PEAK1: variants seen among roughly 807,000 people sequenced by gnomAD.
PEAK1 encodes pseudopodium enriched atypical kinase 1, also known as inactive tyrosine-protein kinase PEAK1.
A neutral mutation model predicts 124.7 loss-of-function variants in PEAK1; 54 were observed. The observed-to-expected ratio is 0.43, with a 90% CI of 0.35 to 0.54. The LOEUF (loss-of-function observed/expected upper bound fraction) is 0.54, where lower values mean the gene tolerates loss of function less well. Among genes scored for constraint, PEAK1 ranks in the 20% least tolerant of loss-of-function variants. PEAK1 has a pLI of 0.01. For missense variants in PEAK1, 2,046 were observed against 2,134.5 expected, an observed-to-expected ratio of 0.96 and a Z score of 0.82; for synonymous variants, 719 against 760.0, an observed-to-expected ratio of 0.95 and a Z score of 0.89.
chr15:77,272,724 G>A (rs1381709889), intron 5 of PEAK1, among the ~76,000 whole-genome samples: 2 of 151,648 alleles, frequency 1.3e-5, no homozygotes, highest in Non-Finnish European at 2.9e-5. Flanking sequence ...TACTCCAGAA[G>A]ATACAGAAAG....
At chr15:77,417,459 C>CAG in intron 1 of PEAK1, 5 of 377,660 alleles carry the variant, frequency 1.3e-5, no homozygotes, top group Non-Finnish European at 1.5e-5. Context: ...GGATGCGGGG[C>CAG]GGGGGGGGAG....
chr15:77,359,146 ACGAGACAAG>A (rs2067719405), intron 2 of PEAK1, among the ~76,000 whole-genome samples: 1 of 152,260 alleles, frequency 6.6e-6, no homozygotes, highest in Non-Finnish European at 1.5e-5. Flanking sequence ...AAGATCAGAA[ACGAGACAAG>A]GGCTGAGCAC....
intron 6 of PEAK1, among the ~76,000 whole-genome samples, chr15:77,225,814 G>A (rs1217223765): frequency 1.4e-5 from 2 of 145,634 alleles, no homozygotes; most frequent in Non-Finnish European, 3.0e-5. Context: ...AATATATGAC[G>A]AAACACACAG....
intron 2 of PEAK1, chr15:77,337,407 AACT>A (rs1417537871): frequency 2.1e-6 from 2 of 949,620 alleles, no homozygotes; most frequent in Non-Finnish European, 2.5e-6. Context: ...AATGTAAAGT[AACT>A]ACATGATCAA....
intron 1 of PEAK1, among the ~76,000 whole-genome samples, chr15:77,408,154 TACACACACACACACACAC>T (rs55866391): frequency 6.9e-6 from 1 of 144,352 alleles, no homozygotes; most frequent in Non-Finnish European, 1.5e-5. Context: ...CATATATACA[TACACACACACACACACAC>T]ACACACACAC....
intron 1 of PEAK1, among the ~76,000 whole-genome samples, chr15:77,365,741 TAA>T (rs71145816): frequency 2.6e-4 from 21 of 80,814 alleles, no homozygotes; most frequent in African/African-American, 8.1e-4. Context: ...CTCCATCTCA[TAA>T]AAAAAAAAAA....
intron 6 of PEAK1, among the ~76,000 whole-genome samples, chr15:77,248,560 C>G (rs1008284888): frequency 1.3e-5 from 2 of 152,180 alleles, no homozygotes; most frequent in African/African-American, 4.8e-5. Context: ...AGAGAGCTCA[C>G]TTGCCCCTTC....
intron 5 of PEAK1, among the ~76,000 whole-genome samples, chr15:77,275,605 A>T (rs2062272871): frequency 6.6e-6 from 1 of 151,992 alleles, no homozygotes; most frequent in African/African-American, 2.4e-5. Flanking sequence ...AATCCCAGCT[A>T]CTCAGGAGGC....
At chr15:77,327,763 A>G (rs561850534) in intron 2 of PEAK1, among the ~76,000 whole-genome samples, 5 of 152,226 alleles carry the variant, frequency 3.3e-5, no homozygotes, top group South Asian at 2.1e-4. Context: ...AATTAGAATC[A>G]TTACAAATAC....
intron 5 of PEAK1, among the ~76,000 whole-genome samples, chr15:77,257,772 T>C (rs1008172060): frequency 2.0e-5 from 3 of 152,196 alleles, no homozygotes; most frequent in Non-Finnish European, 4.4e-5. Flanking sequence ...TTGCCATTGC[T>C]TTTGGTGTTT....
chr15:77,300,460 TA>T (rs2063727994), intron 2 of PEAK1, among the ~76,000 whole-genome samples: 1 of 152,242 alleles, frequency 6.6e-6, no homozygotes, highest in Non-Finnish European at 1.5e-5. Context: ...TTTCTTTTTT[TA>T]AAAATACAAC....
At chr15:77,306,941 C>T (rs979920483) in intron 2 of PEAK1, among the ~76,000 whole-genome samples, 1 of 152,034 alleles carries the variant, frequency 6.6e-6, no homozygotes, top group Non-Finnish European at 1.5e-5. Context: ...AATTAAGTGA[C>T]TCCCCTTTAG....
intron 6 of PEAK1, chr15:77,204,939 C>CA: frequency 5.5e-6 from 1 of 180,982 alleles, no homozygotes; most frequent in South Asian, 1.1e-4. Flanking sequence ...AATCTTCAGA[C>CA]AAAAAAGTTC....
At position 77,313,662 on chromosome 15, in the gene PEAK1, G is replaced by A. The variant is rs1355733685; in HGVS notation, c.-602-27158C>T. ...TGTATGTATGTATGTATGTGTGTGT[G>A]TGTGTGTGTGTGTGTGTGTGTGTGT... On this transcript the variant is annotated intron_variant, in intron 2 of 9. Coordinates refer to ENST00000682557, the MANE Select transcript of PEAK1 (RefSeq NM_001385026.1). 9.1e-5 allele frequency among the ~76,000 whole-genome samples: 10 copies of A among 109,480 alleles called. No individual in the cohort carries two copies. In the South Asian group the frequency reaches 2.3e-3, roughly 26 times the overall value. 71.8% of individuals were successfully genotyped at this position (109,480 alleles called of 152,430 possible).
intron 7 of PEAK1, among the ~76,000 whole-genome samples, chr15:77,161,795 G>A (rs1290474819): frequency 6.6e-6 from 1 of 151,788 alleles, no homozygotes; most frequent in Non-Finnish European, 1.5e-5. Flanking sequence ...GTGAAACCCC[G>A]TCTCTACTAA....
At chr15:77,313,682 G>GTATATATATCTA (rs1567244747) in intron 2 of PEAK1, among the ~76,000 whole-genome samples, 1 of 118,612 alleles carries the variant, frequency 8.4e-6, no homozygotes, top group African/African-American at 4.0e-5. Flanking sequence ...GTGTGTGTGT[G>GTATATATATCTA]TGTGTGTGTG....
chr15:77,343,750 TGCTGGGATTACAGGTGTGAGAAACCGC>T, intron 2 of PEAK1, among the ~76,000 whole-genome samples: 1 of 152,276 alleles, frequency 6.6e-6, no homozygotes, highest in South Asian at 2.1e-4. Flanking sequence ...CCTCCCAAAG[TGCTGGGATTACAGGTGTGAGAAACCGC>T]GCCGGCCTTA....
chr15:77,372,530 G>A (rs1184583731), intron 1 of PEAK1, among the ~76,000 whole-genome samples: 1 of 152,062 alleles, frequency 6.6e-6, no homozygotes, highest in Non-Finnish European at 1.5e-5. Flanking sequence ...CAGAAGCGAG[G>A]GTTTAATCAC....
At chr15:77,197,359 A>C (rs1036141692) in intron 6 of PEAK1, among the ~76,000 whole-genome samples, 1 of 152,206 alleles carries the variant, frequency 6.6e-6, no homozygotes, top group South Asian at 2.1e-4. Flanking sequence ...TTGCCTAAAA[A>C]CAAGAGGTGA....
Sources: allele counts gnomAD v4.1 joint callset (sites outside exome capture counted in the v4.1 genomes callset), GRCh38; gene constraint gnomAD v4.1.1; transcripts MANE v1.5; gene names NCBI Gene and HGNC (gene_info 2026-07-23, HGNC 2026-07-21).